EIF2A: variants seen among roughly 807,000 people sequenced by gnomAD.
EIF2A encodes the protein eukaryotic translation initiation factor 2A, also known as 65 kDa eukaryotic translation initiation factor 2A.
A neutral mutation model predicts 75.2 loss-of-function variants in EIF2A; 62 were observed. That is an observed-to-expected ratio of 0.82 (90% CI 0.67 to 1.02). The LOEUF (loss-of-function observed/expected upper bound fraction) is 1.02. Among genes scored for constraint, EIF2A ranks in the 50% least tolerant of loss-of-function variants. EIF2A has a pLI of 0.00. For synonymous variants in EIF2A, 207 were observed against 239.0 expected, an observed-to-expected ratio of 0.87 and a Z score of 1.23; for missense variants, 611 against 677.7, an observed-to-expected ratio of 0.90 and a Z score of 1.09.
intron 6 of EIF2A, among the ~76,000 whole-genome samples, chr3:150,565,399 AC>A (rs1724116243): frequency 6.6e-6 from 1 of 151,948 alleles, no homozygotes; most frequent in Non-Finnish European, 1.5e-5. Flanking sequence ...TTTCTCCCTC[AC>A]TTATTTTTCA....
intron 9 of EIF2A, among the ~76,000 whole-genome samples, chr3:150,571,734 CA>C (rs1724536038): frequency 6.6e-6 from 1 of 151,874 alleles, no homozygotes; most frequent in African/African-American, 2.4e-5. Flanking sequence ...GCCATATTAC[CA>C]AAATGTTTAA....
rs768017793 is a variant in EIF2A at position 150,567,904 on chromosome 3, G to A, written c.552G>A (p.Val184=). The change falls in exon 8 of 14, where the codon GTG becomes GTA. Residue 184 remains valine (V), a splice_region_variant and synonymous_variant. Transcript: ENST00000460851. ...VLSPGPQPYK[V]AVYVPGSKGA... is the part of the protein sequence containing the mutation. ...TGATTTATGTCTATGTATCTTAGGTGGCTGTCTATGTTCCAGGAAGTAAAG... is the reference window on the plus strand; with the variant it reads ...TGATTTATGTCTATGTATCTTAGGTAGCTGTCTATGTTCCAGGAAGTAAAG... 6.2e-7 allele frequency: 1 copy of A among 1,601,812 alleles called. No individual in the cohort carries two copies. The highest frequency in any genetic ancestry group is 1.4e-5 in the African/African-American group (1 of 73,934).
intron 9 of EIF2A, among the ~76,000 whole-genome samples, chr3:150,569,669 G>T (rs112121046): frequency 0.14 from 20,903 of 152,022 alleles, 1,504 homozygotes; most frequent in Non-Finnish European, 0.16. Context: ...ACAAAAATTA[G>T]TTGGGTGTGG....
intron 1 of EIF2A, among the ~76,000 whole-genome samples, chr3:150,548,873 T>TAGG (rs1224289044): frequency 6.6e-6 from 1 of 152,056 alleles, no homozygotes; most frequent in Non-Finnish European, 1.5e-5. Flanking sequence ...TTGGCAGGAT[T>TAGG]AGGATTATAC....
chr3:150,572,670 C>T (rs993965443), intron 10 of EIF2A, 141 bp downstream of exon 10: 3 of 784,396 alleles, frequency 3.8e-6, no homozygotes, highest in African/African-American at 3.5e-5. Context: ...GACTGGCTAA[C>T]ATGCTGAAAC....
chr3:150,557,607 C>G lies in EIF2A; in HGVS notation c.99-781C>G, dbSNP rs115388429. 7.5e-3 allele frequency: 2,264 copies of G among 302,758 alleles called. 24 individuals carry two copies. The highest frequency in any genetic ancestry group is 9.1e-3 in the Non-Finnish European group (1,367 of 150,952). 18.8% of individuals were successfully genotyped at this position (302,758 alleles called of 1,614,324 possible). A position where few individuals can be genotyped will look rare whatever the true frequency, so the allele number is the denominator to read the frequency against. On this transcript the variant is annotated intron_variant, in intron 2 of 13. Coordinates refer to ENST00000460851, the MANE Select transcript of EIF2A (RefSeq NM_032025.5). The stretch of plus-strand genomic sequence containing the variant: ...TAGAGACAGGGTTTCGCCATGTTGC[C>G]CAGCTGGTCTCGAACTCCCAACCTC...
intron 9 of EIF2A, among the ~76,000 whole-genome samples, chr3:150,569,769 C>G (rs564458257): frequency 1.3e-5 from 2 of 151,576 alleles, no homozygotes; most frequent in African/African-American, 2.4e-5. Context: ...GAGCCAAGAT[C>G]GTGCCACCGC....
At position 150,584,957 on chromosome 3, in the gene EIF2A, ATCTT is replaced by A. The variant is rs915765286; in HGVS notation, c.*1050_*1053del. Among the ~76,000 whole-genome samples, 11 of 151,626 alleles carry A rather than the reference ATCTT, an allele frequency of 7.3e-5. No individual in the cohort carries two copies. Among genetic ancestry groups the A allele is most frequent in the Non-Finnish European group, 1.5e-5 (1 of 67,898 alleles). ...TACCACATTTTCCAGTTTTTTGTGT[ATCTT>A]TCTAATGATAGATACCATATGAGTA... On this transcript the variant is annotated 3_prime_UTR_variant, in exon 14 of 14. Coordinates refer to ENST00000460851, the MANE Select transcript of EIF2A (RefSeq NM_032025.5).
intron 11 of EIF2A, among the ~76,000 whole-genome samples, chr3:150,581,146 AG>A (rs1363519707): frequency 3.3e-5 from 5 of 152,226 alleles, no homozygotes; most frequent in Admixed American, 6.5e-5. Flanking sequence ...CATCCCTTTA[AG>A]GGGAAAAAAG....
chr3:150,569,759 G>A lies in EIF2A; in HGVS notation c.811+1467G>A, dbSNP rs369053076. Among the ~76,000 whole-genome samples, 37 of 152,024 alleles carry A rather than the reference G, an allele frequency of 2.4e-4. No individual in the cohort carries two copies. The East Asian group carries it at 7.0e-3, about 29-fold the overall frequency. On this transcript the variant is annotated intron_variant, in intron 9 of 13. Coordinates refer to ENST00000460851, the MANE Select transcript of EIF2A (RefSeq NM_032025.5). ...GAACCCAGGAGTGGGAGGTTGCAATGAGCCAAGATCGTGCCACCGCACTCC... is the reference window on the plus strand; with the variant it reads ...GAACCCAGGAGTGGGAGGTTGCAATAAGCCAAGATCGTGCCACCGCACTCC...
In EIF2A at chr3:150,572,424, A is replaced by T; in HGVS notation, c.1278A>T (p.Ile426=). The T allele has an allele frequency of 6.2e-7, 1 of 1,614,040 alleles. No homozygotes were observed. The highest frequency in any genetic ancestry group is 8.5e-7 in the Non-Finnish European group (1 of 1,179,898). Residue 426 remains isoleucine (I), a synonymous_variant, in exon 10 of 14, where the codon ATA becomes ATT. Coordinates refer to ENST00000460851, the MANE Select transcript of EIF2A (RefSeq NM_032025.5). ...FLDGIFPAKT[I]TYQAVPSEVP... ...ATGGAATATTTCCAGCAAAAACAAT[A>T]ACTTACCAAGCAGTTCCAAGTGAAG... is the stretch of plus-strand genomic sequence containing the variant.
At position 150,562,803 on chromosome 3, in the gene EIF2A, C is replaced by T. The variant is rs902492979; in HGVS notation, c.292+143C>T. Reference sequence around the variant, plus strand: ...AGTGTTTGTGAATATTTATGATCTACAGTGAATCTTGTACTCTCCAAATAA... The same window carrying T: ...AGTGTTTGTGAATATTTATGATCTATAGTGAATCTTGTACTCTCCAAATAA... On this transcript the variant is annotated intron_variant, in intron 4 of 13. Coordinates refer to ENST00000460851, the MANE Select transcript of EIF2A (RefSeq NM_032025.5). The T allele has an allele frequency of 6.6e-6, 4 of 605,976 alleles. No individual in the cohort carries two copies. The African/African-American group carries it at 7.4e-5, about 11-fold the overall frequency. The allele number at this position is 605,976 out of a possible 1,614,324, so 37.5% of individuals were successfully genotyped here. A position where few individuals can be genotyped will look rare whatever the true frequency, so the allele number is the denominator to read the frequency against.
Position 150,558,347 on chromosome 3 carries a change from A to C in EIF2A, c.99-41A>C, listed in dbSNP as rs1004031009. ...TAATCAGATTTTTTTGAAAAGTATT[A>C]ATGCTTATTCATTTAAACCTTTTTT... On this transcript the variant is annotated intron_variant, in intron 2 of 13. Transcript: ENST00000460851. 64 of 1,439,542 alleles carry C rather than the reference A, an allele frequency of 4.4e-5. 4 individuals are homozygous for C. Among genetic ancestry groups the C allele is most frequent in the Non-Finnish European group, 4.6e-6 (5 of 1,090,954 alleles). The allele number at this position is 1,439,542 out of a possible 1,614,324, so 89.2% of individuals were successfully genotyped here.
intron 1 of EIF2A, among the ~76,000 whole-genome samples, chr3:150,551,388 A>C (rs1723307085): frequency 6.6e-6 from 1 of 152,148 alleles, no homozygotes; most frequent in Admixed American, 6.5e-5. Flanking sequence ...TGACTAAATG[A>C]ATCTATTTAT....
At chr3:150,550,125 C>T (rs1011126647) in intron 1 of EIF2A, among the ~76,000 whole-genome samples, 3 of 83,528 alleles carry the variant, frequency 3.6e-5, no homozygotes, top group African/African-American at 6.9e-5. Context: ...GTGAAACTGG[C>T]GTTTATTTGT....
rs536367612 is a variant in EIF2A at position 150,564,216 on chromosome 3, T to C, written c.393-83T>C. On this transcript the variant is annotated intron_variant, in intron 5 of 13. Transcript: ENST00000460851. ...GTTTTTCCTTAAATGGTAACCAATA[T>C]CATAAATTACTTTAACATGTTAATG... 5 of 1,046,720 alleles carry C rather than the reference T, an allele frequency of 4.8e-6. No individual in the cohort carries two copies. The African/African-American group carries it at 4.9e-5, about 10-fold the overall frequency. The allele number at this position is 1,046,720 out of a possible 1,614,324, so 64.8% of individuals were successfully genotyped here.
chr3:150,583,977 G>T lies in EIF2A; in HGVS notation c.*66G>T, dbSNP rs907365484. On this transcript the variant is annotated 3_prime_UTR_variant, in exon 14 of 14. Coordinates refer to ENST00000460851, the MANE Select transcript of EIF2A (RefSeq NM_032025.5). ...AACACATCTTCTGTTAAACCCATTG[G>T]TATACACAGAATATTCCTGTGCCCA... 11 of 1,488,102 alleles carry T rather than the reference G, an allele frequency of 7.4e-6. No individual in the cohort carries two copies. The highest frequency in any genetic ancestry group is 1.0e-5 in the Non-Finnish European group (11 of 1,071,368). The allele number at this position is 1,488,102 out of a possible 1,614,324, so 92.2% of individuals were successfully genotyped here.
rs1723545626 is a variant in EIF2A at position 150,556,019 on chromosome 3, G to A, written c.99-2369G>A. Among the ~76,000 whole-genome samples the A allele has an allele frequency of 2.0e-5, 3 of 152,176 alleles. No homozygotes were observed. In the South Asian group the frequency reaches 6.2e-4, roughly 31 times the overall value. ...GAAGTTTACTACAGCCTCTTAGCCT[G>A]TTTGGGTTGAATCTGAGTGCCAGAG... is the stretch of plus-strand genomic sequence containing the variant. On this transcript the variant is annotated intron_variant, in intron 2 of 13. Transcript: ENST00000460851.
At chr3:150,576,518 CTTTT>C (rs1272876793) in intron 11 of EIF2A, among the ~76,000 whole-genome samples, 2 of 152,198 alleles carry the variant, frequency 1.3e-5, no homozygotes, top group South Asian at 2.1e-4. Flanking sequence ...GAATATCTTT[CTTTT>C]GTCTTTGCCT....
Sources: gnomAD v4.1 joint callset for allele counts (sites outside exome capture counted in the v4.1 genomes callset) on GRCh38, gnomAD v4.1.1 for gene constraint, MANE v1.5 for transcripts, NCBI Gene and HGNC (gene_info 2026-07-23, HGNC 2026-07-21) for gene names.